Variants in WDR7 observed in about 807,000 individuals in gnomAD.
WDR7 encodes WD repeat domain 7, also known as WD repeat-containing protein 7.
A neutral mutation model predicts 169.4 loss-of-function variants in WDR7; 46 were observed. That is an observed-to-expected ratio of 0.27 (90% confidence interval 0.21 to 0.35). The LOEUF is 0.35. Among genes scored for constraint, WDR7 ranks in the 10% least tolerant of loss-of-function variants. The pLI is 1.00. For synonymous variants in WDR7, 612 were observed against 666.8 expected (o/e 0.92, Z 1.27); for missense variants, 1,534 against 1,859.3 (o/e 0.83, Z 3.22).
intron 21 of WDR7, among the ~76,000 whole-genome samples, chr18:56,901,286 A>AG (rs2046397617): frequency 6.6e-6 from 1 of 152,210 alleles, no homozygotes; most frequent in South Asian, 2.1e-4. Context: ...AGTTATTATA[A>AG]TGTCATTGTC....
intron 20 of WDR7, among the ~76,000 whole-genome samples, chr18:56,852,736 A>G (rs2045659632): frequency 6.6e-6 from 1 of 152,164 alleles, no homozygotes; most frequent in South Asian, 2.1e-4. Context: ...ATATATATAC[A>G]TACACATATA....
chr18:57,031,232 A>G (rs1434722782), downstream of WDR7: 1 of 152,228 alleles, frequency 6.6e-6, no homozygotes, highest in Non-Finnish European at 1.5e-5. Context: ...TTTGCATGAG[A>G]AAAGAGTTCT....
intron 2 of WDR7, among the ~76,000 whole-genome samples, chr18:56,677,130 C>T (rs1427329253): frequency 6.6e-6 from 1 of 152,108 alleles, no homozygotes; most frequent in African/African-American, 2.4e-5. Context: ...TCTTTCTGAT[C>T]GAAGTACTCC....
At chr18:56,834,846 T>C (rs1365767671) in intron 20 of WDR7, among the ~76,000 whole-genome samples, 1 of 152,194 alleles carries the variant, frequency 6.6e-6, no homozygotes, top group Non-Finnish European at 1.5e-5. Context: ...TCTTTCTGCT[T>C]TCCGTCTTAT....
chr18:56,756,945 A>C lies in WDR7; in HGVS notation c.2352A>C (p.Lys784Asn). 1 of 1,614,126 alleles carries C rather than the reference A, an allele frequency of 6.2e-7. No individual in the cohort carries two copies. Among genetic ancestry groups the C allele is most frequent in the Non-Finnish European group, 8.5e-7 (1 of 1,180,014 alleles). ...GTGATCCTGAATATCGGTCCAGCAA[A>C]TCAAAGCCATTGACCCTATTAGAAT... ...EESDPEYRSS[K>N]SKPLTLLEYN... is the part of the protein sequence containing the mutation. Residue 784 changes from lysine (K) to asparagine (N), a missense_variant, in exon 15 of 28, where the codon AAA (lysine) becomes AAC (asparagine). Lys to Asn is a moderately conservative substitution (Grantham distance 94). Transcript: ENST00000254442.
At chr18:56,974,253 A>AACCTG (rs2047532587) in intron 26 of WDR7, among the ~76,000 whole-genome samples, 1 of 152,110 alleles carries the variant, frequency 6.6e-6, no homozygotes, top group South Asian at 2.1e-4. Context: ...TATCCTATGT[A>AACCTG]ACCTGACTGC....
intron 25 of WDR7, among the ~76,000 whole-genome samples, chr18:56,958,753 A>G (rs184781154): frequency 5.3e-5 from 8 of 152,184 alleles, no homozygotes; most frequent in Admixed American, 4.6e-4. Context: ...CCATTTTTGG[A>G]CAGTTTTTGT....
At chr18:56,866,577 A>G (rs371183752) in intron 20 of WDR7, among the ~76,000 whole-genome samples, 1 of 152,076 alleles carries the variant, frequency 6.6e-6, no homozygotes, top group Admixed American at 6.6e-5. Flanking sequence ...AAAACATTGG[A>G]TTAAGTATTA....
At chr18:56,751,135 G>A (rs2043784378) in intron 14 of WDR7, among the ~76,000 whole-genome samples, 2 of 152,022 alleles carry the variant, frequency 1.3e-5, no homozygotes, top group South Asian at 4.2e-4. Context: ...AGTGCACTAA[G>A]AAGCTCTAAT....
chr18:56,724,209 A>ATT (rs58382196), intron 13 of WDR7, among the ~76,000 whole-genome samples: 10,494 of 98,006 alleles, frequency 0.11, 1,439 homozygotes, highest in Admixed American at 0.18. Context: ...ATGCCTGGTA[A>ATT]TTTTTTTTTT....
At chr18:56,883,360 T>C (rs7231863) in intron 21 of WDR7, among the ~76,000 whole-genome samples, 14,810 of 152,134 alleles carry the variant, frequency 0.097, 1,865 homozygotes, top group African/African-American at 0.29. Flanking sequence ...ACTTTTCTAA[T>C]CACAGTTTAT....
Position 56,930,639 on chromosome 18 carries a change from G to A in WDR7, c.3714-5149G>A, listed in dbSNP as rs547860606. Reference sequence around the variant, plus strand: ...GGAATTGAAGATATCTTGTGAAATTGAGGACAAATATTAACATACCTGTTT... The same window carrying A: ...GGAATTGAAGATATCTTGTGAAATTAAGGACAAATATTAACATACCTGTTT... On this transcript the variant is annotated intron_variant, in intron 22 of 27. Transcript: ENST00000254442. 7.2e-5 allele frequency among the ~76,000 whole-genome samples: 11 copies of A among 152,302 alleles called. No individual in the cohort carries two copies. The East Asian group carries it at 2.1e-3, about 29-fold the overall frequency.
At chr18:56,970,252 T>G (rs1258197073) in intron 26 of WDR7, among the ~76,000 whole-genome samples, 5 of 133,992 alleles carry the variant, frequency 3.7e-5, no homozygotes, top group Admixed American at 7.1e-5. Flanking sequence ...TTTTTTGCTG[T>G]TTTTTTTTTC....
chr18:56,669,424 A>G (rs1210418572), intron 1 of WDR7, among the ~76,000 whole-genome samples: 1 of 152,146 alleles, frequency 6.6e-6, no homozygotes, highest in Non-Finnish European at 1.5e-5. Flanking sequence ...AATTACTGAT[A>G]TTTGTTGGCT....
chr18:56,716,816 G>A (rs768131797), intron 12 of WDR7, among the ~76,000 whole-genome samples: 1 of 152,206 alleles, frequency 6.6e-6, no homozygotes, highest in Non-Finnish European at 1.5e-5. Flanking sequence ...TGGAAGTTCT[G>A]TGGTTAAAAA....
chr18:56,750,980 G>T (rs1273752883), intron 14 of WDR7, among the ~76,000 whole-genome samples: 1 of 152,112 alleles, frequency 6.6e-6, no homozygotes, highest in African/African-American at 2.4e-5. Flanking sequence ...TTTATCTGTA[G>T]GACTTGGAGG....
intron 19 of WDR7, among the ~76,000 whole-genome samples, chr18:56,802,593 C>T (rs925396085): frequency 6.7e-6 from 1 of 149,996 alleles, no homozygotes; most frequent in Admixed American, 6.7e-5. Context: ...TGGTCTCGAT[C>T]TCCTGACCTC....
intron 21 of WDR7, among the ~76,000 whole-genome samples, chr18:56,899,801 T>C (rs2046376397): frequency 6.6e-6 from 1 of 152,100 alleles, no homozygotes; most frequent in South Asian, 2.1e-4. Flanking sequence ...GTGTTAACGA[T>C]TTCTGATCAT....
At chr18:56,863,189 T>TA (rs916070880) in intron 20 of WDR7, among the ~76,000 whole-genome samples, 44 of 151,838 alleles carry the variant, frequency 2.9e-4, no homozygotes, top group African/African-American at 8.9e-4. Flanking sequence ...ATTGTAGTGT[T>TA]AGAGAGGACA....
Sources: gnomAD v4.1 joint callset for allele counts (sites outside exome capture counted in the v4.1 genomes callset) on GRCh38, gnomAD v4.1.1 for gene constraint, MANE v1.5 for transcripts, NCBI Gene and HGNC (gene_info 2026-07-23, HGNC 2026-07-21) for gene names.